CCDC3: variants seen among roughly 807,000 people sequenced by gnomAD.
CCDC3 encodes the protein coiled-coil domain-containing protein 3.
In CCDC3, 24 loss-of-function variants were observed where a neutral mutation model predicts 21.4. The observed-to-expected ratio is 1.12, with a 90% confidence interval of 0.81 to 1.58. The LOEUF (loss-of-function observed/expected upper bound fraction) is 1.58. CCDC3 is among the 40% of genes most tolerant of loss of function. CCDC3 has a pLI of 0.00. For missense variants in CCDC3, 425 were observed against 360.9 expected, an observed-to-expected ratio of 1.18 and a Z score of -1.44; for synonymous variants, 186 against 166.0, an observed-to-expected ratio of 1.12 and a Z score of -0.93.
chr10:13,092,796 C>T (rs559638731), intron 3 of CCDC3, among the ~76,000 whole-genome samples: 24 of 152,234 alleles, frequency 1.6e-4, no homozygotes, highest in South Asian at 8.3e-4. Context: ...TGAGACCAGC[C>T]GCCCAGAAAT....
intron 2 of CCDC3, among the ~76,000 whole-genome samples, chr10:12,908,589 C>T (rs2131200927): frequency 6.7e-6 from 1 of 150,352 alleles, no homozygotes; most frequent in Middle Eastern, 3.5e-3. Context: ...ATCACAGATT[C>T]TTGGCTAAGA....
chr10:12,943,181 G>A (rs1834860746), intron 2 of CCDC3, among the ~76,000 whole-genome samples: 1 of 152,154 alleles, frequency 6.6e-6, no homozygotes, highest in African/African-American at 2.4e-5. Context: ...CCAAGTTTAT[G>A]TGTTCTAGGA....
exon 1 of CCDC3, chr10:13,099,533 G>C (rs1380643869): frequency 1.3e-5 from 2 of 151,722 alleles, no homozygotes; most frequent in African/African-American, 2.4e-5. Context: ...TAATCCGGGG[G>C]CAGCTTCCCT....
chr10:13,016,273 A>T (rs1836057855), intron 5 of CCDC3, among the ~76,000 whole-genome samples: 1 of 150,442 alleles, frequency 6.6e-6, no homozygotes, highest in Non-Finnish European at 1.5e-5. Flanking sequence ...TGATGCAGTT[A>T]TCCCACCTGA....
intron 3 of CCDC3, among the ~76,000 whole-genome samples, chr10:13,092,602 G>A (rs144546664): frequency 7.5e-4 from 114 of 152,298 alleles, no homozygotes; most frequent in African/African-American, 2.2e-3. Context: ...AGTAACCCCC[G>A]TGTGACCTAA....
intron 5 of CCDC3, among the ~76,000 whole-genome samples, chr10:13,010,338 A>G (rs1317576968): frequency 6.6e-6 from 1 of 152,188 alleles, no homozygotes; most frequent in East Asian, 1.9e-4. Context: ...ACACTTCACC[A>G]AAGAAGCTAA....
At chr10:12,976,042 C>T (rs961867541) in intron 2 of CCDC3, among the ~76,000 whole-genome samples, 2 of 152,164 alleles carry the variant, frequency 1.3e-5, no homozygotes, top group East Asian at 1.9e-4. Flanking sequence ...CCTGATCGGA[C>T]CCACACATTG....
At chr10:12,941,417 C>G (rs1305045642) in intron 2 of CCDC3, among the ~76,000 whole-genome samples, 1 of 152,184 alleles carries the variant, frequency 6.6e-6, no homozygotes, top group Admixed American at 6.5e-5. Context: ...ACTCCATGGC[C>G]TCGCCTTGAA....
chr10:12,900,474 C>T (rs1156775018), intron 2 of CCDC3, among the ~76,000 whole-genome samples: 1 of 135,558 alleles, frequency 7.4e-6, no homozygotes, highest in African/African-American at 2.8e-5. Flanking sequence ...GTCAGGAGAT[C>T]GAGACCATCC....
chr10:12,930,260 C>CT (rs1834618488), intron 2 of CCDC3, among the ~76,000 whole-genome samples: 1 of 136,536 alleles, frequency 7.3e-6, no homozygotes, highest in Non-Finnish European at 1.7e-5. Flanking sequence ...TTTTACATTT[C>CT]TTTTCTATTT....
intron 2 of CCDC3, among the ~76,000 whole-genome samples, chr10:12,966,149 C>A (rs1195617765): frequency 8.7e-6 from 1 of 115,170 alleles, no homozygotes; most frequent in African/African-American, 2.8e-5. Flanking sequence ...AGCCCACAAA[C>A]TCAGTTTCTC....
At chr10:13,006,709 G>C (rs1835927991), upstream of CCDC3, among the ~76,000 whole-genome samples, 2 of 152,212 alleles carry the variant, frequency 1.3e-5, no homozygotes, top group South Asian at 4.1e-4. Context: ...AGGATTTATG[G>C]TGTGTGCATG....
In CCDC3 at chr10:12,994,393, G is replaced by A. The variant is rs573447200; in HGVS notation, c.549+3945C>T. The stretch of plus-strand genomic sequence containing the variant: ...AACCTGGGCAACAGAGCAAGACTCC[G>A]TCTCAAAAACAAAACAAAACAAAAA... On this transcript the variant is annotated intron_variant, in intron 2 of 2. Coordinates refer to ENST00000378825, the MANE Select transcript of CCDC3 (RefSeq NM_031455.4). 4.5e-3 allele frequency among the ~76,000 whole-genome samples: 644 copies of A among 144,032 alleles called. 6 individuals are homozygous for A. The highest frequency in any genetic ancestry group is 0.021 in the Middle Eastern group (6 of 290). The allele number at this position is 144,032 out of a possible 152,430, so 94.5% of individuals were successfully genotyped here. A position where few individuals can be genotyped will look rare whatever the true frequency, so the allele number is the denominator to read the frequency against.
At chr10:13,028,350 C>T (rs568200739) in intron 5 of CCDC3, among the ~76,000 whole-genome samples, 1 of 152,148 alleles carries the variant, frequency 6.6e-6, no homozygotes, top group African/African-American at 2.4e-5. Flanking sequence ...CCCCCAGCCA[C>T]GTGGGAACTG....
At chr10:13,010,349 G>A (rs896194680) in intron 5 of CCDC3, among the ~76,000 whole-genome samples, 1 of 152,090 alleles carries the variant, frequency 6.6e-6, no homozygotes, top group African/African-American at 2.4e-5. Flanking sequence ...AAGAAGCTAA[G>A]AATGGCAAAT....
chr10:12,999,128 T>A (rs1475533002), intron 1 of CCDC3, among the ~76,000 whole-genome samples: 2 of 152,102 alleles, frequency 1.3e-5, no homozygotes, highest in African/African-American at 4.8e-5. Flanking sequence ...TAATCCCAGT[T>A]ACTCAGAAGG....
At chr10:12,984,411 A>G (rs540657636) in intron 2 of CCDC3, among the ~76,000 whole-genome samples, 1 of 152,294 alleles carries the variant, frequency 6.6e-6, no homozygotes, top group South Asian at 2.1e-4. Flanking sequence ...AATAACAACT[A>G]CTAGTGAAGA....
At chr10:12,916,241 G>C (rs1043792660) in intron 2 of CCDC3, among the ~76,000 whole-genome samples, 1 of 152,104 alleles carries the variant, frequency 6.6e-6, no homozygotes, top group Admixed American at 6.5e-5. Context: ...AGACCAGCCT[G>C]GCCAACATGG....
chr10:13,016,651 G>C (rs1836066234), intron 5 of CCDC3, among the ~76,000 whole-genome samples: 1 of 151,994 alleles, frequency 6.6e-6, no homozygotes, highest in Admixed American at 6.6e-5. Context: ...GCTGGGAATG[G>C]AACTTGGGGT....
Sources: allele counts gnomAD v4.1 joint callset (sites outside exome capture counted in the v4.1 genomes callset), GRCh38; gene constraint gnomAD v4.1.1; transcripts MANE v1.5; gene names NCBI Gene and HGNC (gene_info 2026-07-23, HGNC 2026-07-21).